Variants in STIM2 observed in about 807,000 individuals in gnomAD.
STIM2 encodes stromal interaction molecule 2.
STIM2 carries 31 observed loss-of-function variants against 85.8 expected under a neutral mutation model. The ratio of observed to expected loss-of-function variants is 0.36; its 90% CI spans 0.27 to 0.49. STIM2 has a LOEUF of 0.49. STIM2 is among the 20% of genes least tolerant of loss of function. The probability of loss-of-function intolerance (pLI) is 0.98; values close to 1 mark genes in which losing one functional copy is unlikely to be tolerated. For synonymous variants in STIM2, 356 were observed against 331.1 expected (o/e 1.08, Z -0.82); for missense variants, 841 against 927.6 (o/e 0.91, Z 1.21).
At chr4:26,874,790 T>C (rs1205399306) in intron 1 of STIM2, among the ~76,000 whole-genome samples, 1 of 152,178 alleles carries the variant, frequency 6.6e-6, no homozygotes, top group Non-Finnish European at 1.5e-5. Context: ...AGGATATTTA[T>C]TAAACAAATG....
rs893693023 is a variant in STIM2 at position 26,865,344 on chromosome 4, C to T, written c.151+3975C>T. 2.6e-5 allele frequency among the ~76,000 whole-genome samples: 4 copies of T among 152,218 alleles called. No individual in the cohort carries two copies. The East Asian group carries it at 7.7e-4, about 29-fold the overall frequency. Reference sequence around the variant, plus strand: ...TCTTAAGAATACATGGCAGAACTGGCCTCTGTTGGGAATCTCATAGAACAG... The same window carrying T: ...TCTTAAGAATACATGGCAGAACTGGTCTCTGTTGGGAATCTCATAGAACAG... On this transcript the variant is annotated intron_variant, in intron 1 of 11. Coordinates refer to ENST00000467087, the MANE Select transcript of STIM2 (RefSeq NM_020860.4).
chr4:27,005,829 G>A (rs1728314146), intron 7 of STIM2, among the ~76,000 whole-genome samples: 1 of 152,070 alleles, frequency 6.6e-6, no homozygotes, highest in African/African-American at 2.4e-5. Flanking sequence ...AGCTCTTTTA[G>A]GGGAAATACA....
rs116835644 is a variant in STIM2 at position 26,866,461 on chromosome 4, C to T, written c.151+5092C>T. On this transcript the variant is annotated intron_variant, in intron 1 of 11. Transcript: ENST00000467087. ...AGGAAGAGGCTGTTAGAGAGTATTA[C>T]CTGGAGGAGGGCAGGATTTGAGCTG... Among the ~76,000 whole-genome samples the T allele has an allele frequency of 7.9e-3, 1,209 of 152,216 alleles. 18 individuals carry two copies. Among genetic ancestry groups the T allele is most frequent in the African/African-American group, 0.027 (1,127 of 41,528 alleles).
chr4:26,953,743 C>A (rs761826972), intron 2 of STIM2, among the ~76,000 whole-genome samples: 1 of 152,048 alleles, frequency 6.6e-6, no homozygotes, highest in Admixed American at 6.6e-5. Flanking sequence ...ATTATTTTCT[C>A]TTTCTGCATA....
rs370458587 is a variant in STIM2, at chr4:27,003,115, T to TA, written c.981+21dup. On this transcript the variant is annotated intron_variant, in intron 7 of 11. Transcript: ENST00000467087. ...CAGGAATTGGAACAGGTATTTACAT[T>TA]AAAAAAAAAATCACTTGTAAAGATG... The TA allele has an allele frequency of 2.6e-3, 3,542 of 1,342,318 alleles. No individual in the cohort carries two copies. The highest frequency in any genetic ancestry group is 4.8e-3 in the Admixed American group (189 of 39,642). The allele number at this position is 1,342,318 out of a possible 1,614,324, so 83.2% of individuals were successfully genotyped here.
At chr4:26,871,969 C>T (rs1204892110) in intron 1 of STIM2, among the ~76,000 whole-genome samples, 2 of 152,106 alleles carry the variant, frequency 1.3e-5, no homozygotes, top group East Asian at 1.9e-4. Context: ...CTGTTAGTGC[C>T]TAAATTTCCT....
chr4:26,993,540 G>T (rs1355886058), intron 3 of STIM2, among the ~76,000 whole-genome samples: 2 of 7,924 alleles, frequency 2.5e-4, no homozygotes, highest in Admixed American at 1.3e-3. Flanking sequence ...TTATCAGAAA[G>T]ATTTTTTTCA....
intron 3 of STIM2, among the ~76,000 whole-genome samples, chr4:26,975,661 C>T (rs1175342226): frequency 6.6e-6 from 1 of 152,190 alleles, no homozygotes; most frequent in Non-Finnish European, 1.5e-5. Flanking sequence ...TATGAGGTGT[C>T]TGTTGGCCCC....
chr4:26,880,695 G>GTAAATATATATATATGTA (rs1722983605), intron 1 of STIM2, among the ~76,000 whole-genome samples: 2 of 95,644 alleles, frequency 2.1e-5, no homozygotes, highest in Non-Finnish European at 4.3e-5. Context: ...ATATATATAT[G>GTAAATATATATATATGTA]TATATATATA....
intron 3 of STIM2, among the ~76,000 whole-genome samples, chr4:26,988,130 T>C (rs547183582): frequency 6.6e-6 from 1 of 152,378 alleles, no homozygotes; most frequent in South Asian, 2.1e-4. Context: ...CCCATAGTCC[T>C]AAAGGAATGT....
intron 8 of STIM2, chr4:27,007,912 CCTT>C (rs1728422132): frequency 1.4e-6 from 1 of 724,782 alleles, no homozygotes; most frequent in Admixed American, 2.2e-5. Flanking sequence ...TTCAAAGTGA[CCTT>C]AGTGATTTAA....
rs373232157 is a variant in STIM2 at position 27,023,119 on chromosome 4, C to T, written c.*123C>T. 7.6e-6 allele frequency: 7 copies of T among 922,416 alleles called. No homozygotes were observed. The highest frequency in any genetic ancestry group is 1.7e-5 in the African/African-American group (1 of 60,408). The allele number at this position is 922,416 out of a possible 1,614,324, so 57.1% of individuals were successfully genotyped here. A position where few individuals can be genotyped will look rare whatever the true frequency, so the allele number is the denominator to read the frequency against. On this transcript the variant is annotated 3_prime_UTR_variant, in exon 12 of 12. Transcript: ENST00000467087. Reference sequence around the variant, plus strand: ...GTAACTCCATTGGGGCTTTCCAGGCCGGATGCCATAGTGGAACATCCAGAA... The same window carrying T: ...GTAACTCCATTGGGGCTTTCCAGGCTGGATGCCATAGTGGAACATCCAGAA...
chr4:26,934,320 G>A (rs1176387259), intron 2 of STIM2, among the ~76,000 whole-genome samples: 1 of 151,872 alleles, frequency 6.6e-6, no homozygotes, highest in South Asian at 2.1e-4. Flanking sequence ...TTTGGGTGTC[G>A]GCAACCCAAA....
chr4:26,911,606 A>G (rs1180044070), intron 1 of STIM2, among the ~76,000 whole-genome samples: 1 of 152,204 alleles, frequency 6.6e-6, no homozygotes, highest in Non-Finnish European at 1.5e-5. Flanking sequence ...TGAATAGATA[A>G]TCAGAGATTA....
At chr4:26,914,197 G>A (rs1434466039) in intron 1 of STIM2, among the ~76,000 whole-genome samples, 1 of 152,100 alleles carries the variant, frequency 6.6e-6, no homozygotes, top group East Asian at 1.9e-4. Flanking sequence ...TACTTTTTCT[G>A]TTAATTATCT....
At chr4:26,974,118 CTA>C (rs781285035) in intron 3 of STIM2, among the ~76,000 whole-genome samples, 2 of 152,080 alleles carry the variant, frequency 1.3e-5, no homozygotes, top group Non-Finnish European at 2.9e-5. Context: ...TATTTTGAGC[CTA>C]TGTAAGTCTT....
intron 1 of STIM2, among the ~76,000 whole-genome samples, chr4:26,885,821 T>TTTTATA (rs1723196472): frequency 1.2e-5 from 1 of 84,632 alleles, no homozygotes; most frequent in African/African-American, 3.6e-5. Flanking sequence ...GCACCTCAGG[T>TTTTATA]TATATATATA....
intron 1 of STIM2, among the ~76,000 whole-genome samples, chr4:26,869,296 C>G (rs796089639): frequency 1.5e-4 from 13 of 89,064 alleles, no homozygotes; most frequent in African/African-American, 6.1e-4. Context: ...GAGACCCTGT[C>G]TCCAAAAAAA....
intron 1 of STIM2, among the ~76,000 whole-genome samples, chr4:26,899,036 G>A (rs1426135069): frequency 2.0e-5 from 3 of 151,514 alleles, no homozygotes; most frequent in Non-Finnish European, 4.4e-5. Context: ...GAATAGAAAT[G>A]AAGATAATAC....
Sources: gnomAD v4.1 joint callset for allele counts (sites outside exome capture counted in the v4.1 genomes callset) on GRCh38, gnomAD v4.1.1 for gene constraint, MANE v1.5 for transcripts, NCBI Gene and HGNC (gene_info 2026-07-23, HGNC 2026-07-21) for gene names.